Variants in PDK1 observed in about 807,000 individuals in gnomAD.
PDK1 encodes [Pyruvate dehydrogenase (acetyl-transferring)] kinase isozyme 1, mitochondrial.
A neutral mutation model predicts 54.2 loss-of-function variants in PDK1; 39 were observed. That is an observed-to-expected ratio of 0.72 (90% CI 0.56 to 0.94). The LOEUF (loss-of-function observed/expected upper bound fraction) is 0.94, where lower values mean the gene tolerates loss of function less well. Among genes scored for constraint, PDK1 ranks in the 40% least tolerant of loss-of-function variants. The pLI, the probability that PDK1 is intolerant of heterozygous loss-of-function variation, is 0.00. For missense variants in PDK1, 552 were observed against 566.0 expected (o/e 0.98, Z 0.25); for synonymous variants, 221 against 207.1 (o/e 1.07, Z -0.58).
rs1372758179 is a variant in PDK1 at position 172,595,911 on chromosome 2, A to G, written c.1253A>G (p.Asp418Gly). The change falls in exon 11 of 11, where the codon GAT becomes GGT. Residue 418 changes from aspartate to glycine, a missense_variant. Coordinates refer to ENST00000282077, the MANE Select transcript of PDK1 (RefSeq NM_002610.5). Reference sequence around the variant, plus strand: ...CATTACAACACCAACCACGAGGCTGATGACTGGTGCGTCCCCAGCAGAGAA... The same window carrying G: ...CATTACAACACCAACCACGAGGCTGGTGACTGGTGCGTCCCCAGCAGAGAA... ...WKHYNTNHEADDWCVPSREPK... is the reference protein window; with the variant it reads ...WKHYNTNHEAGDWCVPSREPK... The G allele has an allele frequency of 1.9e-6, 3 of 1,613,580 alleles. No individual in the cohort carries two copies. In the Admixed American group the frequency reaches 5.0e-5, roughly 27 times the overall value.
intron 2 of PDK1, among the ~76,000 whole-genome samples, chr2:172,561,828 C>T (rs1688670277): frequency 6.6e-6 from 1 of 152,040 alleles, no homozygotes; most frequent in Non-Finnish European, 1.5e-5. Flanking sequence ...AGAGGCTGTC[C>T]TCCTTTTACT....
chr2:172,605,440 A>G lies in PDK1; in HGVS notation c.*9471A>G, dbSNP rs1289768061. 1.5e-5 allele frequency: 2 copies of G among 131,850 alleles called. No homozygotes were observed. Among genetic ancestry groups the G allele is most frequent in the Non-Finnish European group, 3.0e-5 (2 of 65,628 alleles). 8.2% of individuals were successfully genotyped at this position (131,850 alleles called of 1,614,324 possible). ...GCCCAGGCCAGAGTGTAGTGGTGTG[A>G]TCTCAGCTCAGTGCAGCGTCTGCTT... is the stretch of plus-strand genomic sequence containing the variant. On this transcript the variant is annotated 3_prime_UTR_variant, in exon 11 of 11. Transcript: ENST00000282077.
At chr2:172,676,270 C>G in the PDK1 span, among the ~76,000 whole-genome samples, 1 of 152,118 alleles carries the variant, frequency 6.6e-6, no homozygotes, top group Non-Finnish European at 1.5e-5. Context: ...TTGAGAAATA[C>G]ATTTTGTAAG....
At chr2:172,690,723 CCAT>C in the PDK1 span, among the ~76,000 whole-genome samples, 1 of 149,734 alleles carries the variant, frequency 6.7e-6, no homozygotes, top group East Asian at 2.1e-4. Flanking sequence ...AAGCTGGAAA[CCAT>C]CATTCTCAGC....
At chr2:172,578,344 G>A (rs760999027) in intron 8 of PDK1, among the ~76,000 whole-genome samples, 1 of 152,048 alleles carries the variant, frequency 6.6e-6, no homozygotes, top group East Asian at 1.9e-4. Context: ...TTTTCATTTC[G>A]TTTATTTTTC....
the PDK1 span, among the ~76,000 whole-genome samples, chr2:172,653,187 C>A: frequency 6.6e-6 from 1 of 152,192 alleles, no homozygotes; most frequent in South Asian, 2.1e-4. Context: ...ACCATCTGAT[C>A]TTTCACAAAC....
chr2:172,602,901 T>TG lies in PDK1; in HGVS notation c.*6933dup, dbSNP rs1352216773. ...CAACCACCCATTAAGAACCATCAGG[T>TG]GATGCCTCATTTGCTGTGGTGCACA... On this transcript the variant is annotated 3_prime_UTR_variant, in exon 11 of 11. Coordinates refer to ENST00000282077, the MANE Select transcript of PDK1 (RefSeq NM_002610.5). The TG allele has an allele frequency of 6.6e-6, 1 of 152,264 alleles. No individual in the cohort carries two copies. 9.4% of individuals were successfully genotyped at this position (152,264 alleles called of 1,614,324 possible).
At chr2:172,555,958 T>C (rs1368812649), upstream of PDK1, 8 of 406,528 alleles carry the variant, frequency 2.0e-5, no homozygotes, top group Non-Finnish European at 3.0e-5. Context: ...CCGCCCCTTT[T>C]CTCTCCCCGC....
the PDK1 span, among the ~76,000 whole-genome samples, chr2:172,632,041 C>T: frequency 1.3e-4 from 20 of 151,866 alleles, no homozygotes; most frequent in African/African-American, 4.4e-4. Flanking sequence ...TTTGGGAGGC[C>T]GAGGCAGGTG....
chr2:172,713,389 G>A, the PDK1 span, among the ~76,000 whole-genome samples: 4 of 152,304 alleles, frequency 2.6e-5, 1 homozygote, highest in African/African-American at 7.2e-5. Flanking sequence ...TTCTGCCCAG[G>A]AGCCTGTCTG....
At chr2:172,619,641 G>A in the PDK1 span, among the ~76,000 whole-genome samples, 1 of 152,034 alleles carries the variant, frequency 6.6e-6, no homozygotes, top group Non-Finnish European at 1.5e-5. Flanking sequence ...GATTTCTCAG[G>A]TAATATCTCA....
At chr2:172,619,227 TTG>T in the PDK1 span, among the ~76,000 whole-genome samples, 1 of 152,122 alleles carries the variant, frequency 6.6e-6, no homozygotes, top group African/African-American at 2.4e-5. Flanking sequence ...ATGTGGACAT[TTG>T]CACTCATTCT....
chr2:172,698,955 G>A, the PDK1 span, among the ~76,000 whole-genome samples: 4 of 152,290 alleles, frequency 2.6e-5, no homozygotes, highest in South Asian at 2.1e-4. Flanking sequence ...AGATGCAAAG[G>A]GGGGTGAGAT....
At chr2:172,557,628 TG>T (rs1688412358) in intron 1 of PDK1, among the ~76,000 whole-genome samples, 1 of 151,118 alleles carries the variant, frequency 6.6e-6, no homozygotes, top group South Asian at 2.1e-4. Flanking sequence ...TGTGTGTGTG[TG>T]TGTGTGTGTG....
chr2:172,610,225 C>A (rs1162999168), downstream of PDK1, among the ~76,000 whole-genome samples: 1 of 152,144 alleles, frequency 6.6e-6, no homozygotes, highest in Non-Finnish European at 1.5e-5. Context: ...TTTATGTCCA[C>A]TCAACAGTGG....
chr2:172,640,258 T>C, the PDK1 span, among the ~76,000 whole-genome samples: 1 of 152,238 alleles, frequency 6.6e-6, no homozygotes, highest in Admixed American at 6.5e-5. Flanking sequence ...TTATGGACAG[T>C]ATCTACTGTG....
the PDK1 span, among the ~76,000 whole-genome samples, chr2:172,626,761 T>TAA: frequency 1.7e-4 from 26 of 149,516 alleles, no homozygotes; most frequent in South Asian, 3.4e-3. Context: ...CCACTGCACT[T>TAA]AAAAAAAAAA....
chr2:172,569,018 A>G lies in PDK1; in HGVS notation c.846+201A>G, dbSNP rs572109239. ...TGGTGAGCTCAGACTATGGAGTCAG[A>G]AAGACCTGGGTTTGAATCCCAATTA... On this transcript the variant is annotated intron_variant, in intron 7 of 10. Coordinates refer to ENST00000282077, the MANE Select transcript of PDK1 (RefSeq NM_002610.5). 8.3e-4 allele frequency among the ~76,000 whole-genome samples: 126 copies of G among 152,180 alleles called. 1 individual carries two copies. Among genetic ancestry groups the G allele is most frequent in the Non-Finnish European group, 1.2e-3 (80 of 68,020 alleles).
chr2:172,633,705 A>G, the PDK1 span, among the ~76,000 whole-genome samples: 1 of 150,664 alleles, frequency 6.6e-6, no homozygotes, highest in Admixed American at 6.6e-5. Flanking sequence ...ATAAAAATAT[A>G]ATAAAGTTTT....
Sources: gnomAD v4.1 joint callset for allele counts (sites outside exome capture counted in the v4.1 genomes callset) on GRCh38, gnomAD v4.1.1 for gene constraint, MANE v1.5 for transcripts, NCBI Gene and HGNC (gene_info 2026-07-23, HGNC 2026-07-21) for gene names.